Variants in TOP2B observed in about 807,000 individuals in gnomAD.
TOP2B encodes DNA topoisomerase 2-beta.
Under a neutral mutation model 193.5 loss-of-function variants are expected in TOP2B, and 51 were observed. That is an observed-to-expected ratio of 0.26 (90% CI 0.21 to 0.33). The LOEUF is 0.33. Ranked by LOEUF, TOP2B falls within the 10% of genes least tolerant of loss-of-function variation. TOP2B has a pLI of 1.00. For synonymous variants in TOP2B, 634 were observed against 635.7 expected, an observed-to-expected ratio of 1.00 and a Z score of 0.04; for missense variants, 1,378 against 1,909.3, an observed-to-expected ratio of 0.72 and a Z score of 5.19.
At chr3:25,642,572 AC>A (rs967690727) in intron 3 of TOP2B, among the ~76,000 whole-genome samples, 187 bp from the exon 4 acceptor site, 8 of 152,240 alleles carry the variant, frequency 5.3e-5, no homozygotes, top group African/African-American at 1.9e-4. Flanking sequence ...GTATTATCAC[AC>A]CAAATTACTG....
chr3:25,648,682 C>A (rs1251875604), intron 1 of TOP2B, among the ~76,000 whole-genome samples: 5 of 152,034 alleles, frequency 3.3e-5, no homozygotes, highest in Non-Finnish European at 7.4e-5. Context: ...ATGGCCAAAT[C>A]TTATCTCTAG....
Position 25,607,263 on chromosome 3 carries a change from T to G in TOP2B, c.4206A>C (p.Ile1402=). 1 of 1,590,542 alleles carries G rather than the reference T, an allele frequency of 6.3e-7. No homozygotes were observed. Among genetic ancestry groups the G allele is most frequent in the Non-Finnish European group, 8.6e-7 (1 of 1,166,526 alleles). The change falls in exon 31 of 36, where the codon ATA becomes ATC. Residue 1402 remains isoleucine, a synonymous_variant. Transcript: ENST00000264331. ...CAAATTCATCTTCCCCATCATTTGT[T>G]ATGGGAGATGCTTTAACTTTCAATT... ...LEELKVKASP[I]TNDGEDEFVP...
chr3:25,603,446 T>C (rs149813531), intron 33 of TOP2B, among the ~76,000 whole-genome samples: 2,371 of 152,246 alleles, frequency 0.016, 69 homozygotes, highest in East Asian at 0.12. Context: ...TTTTGCCATG[T>C]TGGCCAGGCT....
Position 25,627,107 on chromosome 3 carries a change from T to A in TOP2B, c.2016+80A>T, listed in dbSNP as rs528592113. 5.5e-4 allele frequency: 557 copies of A among 1,007,308 alleles called. 2 individuals carry two copies. In the Middle Eastern group the frequency reaches 0.011, roughly 20 times the overall value. 62.4% of individuals were successfully genotyped at this position (1,007,308 alleles called of 1,614,324 possible). Reference sequence around the variant, plus strand: ...TTGAGCATTCAAAAGAGACTTATCATAGGGAACCAGGACTGGGAGGAAAGG... The same window carrying A: ...TTGAGCATTCAAAAGAGACTTATCAAAGGGAACCAGGACTGGGAGGAAAGG... On this transcript the variant is annotated intron_variant, in intron 16 of 35. Transcript: ENST00000264331.
At position 25,664,241 on chromosome 3, in the gene TOP2B, T is replaced by C. The variant is rs1376602770; in HGVS notation, c.57A>G (p.Ala19=). The change falls in exon 1 of 36, where the codon GCA becomes GCG. Residue 19 remains alanine, a synonymous_variant. Coordinates refer to ENST00000264331, the MANE Select transcript of TOP2B (RefSeq NM_001330700.2). ...AGAGVGGGNG[A]LTWVTLFDQN... ...ACCAGCCACTTACCACCCAGGTCAG[T>C]GCCCCGTTGCCGCCGCCCACGCCGG... 6.5e-7 allele frequency: 1 copy of C among 1,538,546 alleles called. No individual in the cohort carries two copies. The highest frequency in any genetic ancestry group is 8.7e-7 in the Non-Finnish European group (1 of 1,145,926).
In TOP2B at chr3:25,639,268, T is replaced by C. The variant is rs986644272; in HGVS notation, c.396-958A>G. ...AACTCTAAATAAAGAACACTTAAGC[T>C]AGAGGAATATTTTCAACTCTGGTTA... On this transcript the variant is annotated intron_variant, in intron 4 of 35. Transcript: ENST00000264331. Among the ~76,000 whole-genome samples, 4 of 152,230 alleles carry C rather than the reference T, an allele frequency of 2.6e-5. No homozygotes were observed. The East Asian group carries it at 7.7e-4, about 29-fold the overall frequency.
intron 18 of TOP2B, chr3:25,625,088 T>C (rs1180757003): frequency 8.4e-6 from 2 of 237,224 alleles, no homozygotes; most frequent in Non-Finnish European, 1.6e-5. Context: ...AATCACCTAG[T>C]GGTACCAAAC....
At chr3:25,631,280 C>T (rs1261788782) in intron 10 of TOP2B, among the ~76,000 whole-genome samples, 9 of 152,032 alleles carry the variant, frequency 5.9e-5, no homozygotes, top group Admixed American at 5.2e-4. Flanking sequence ...TACTAGCCGG[C>T]AAATTCCAGA....
rs536415914 is a variant in TOP2B, at chr3:25,635,727, C to CAT, written c.852+207_852+208dup. ...CTGCAGACAGTATCAAATAATGTAA[C>CAT]ATATATATAACCAAGAAGGAAAGGA... On this transcript the variant is annotated intron_variant, in intron 7 of 35. Coordinates refer to ENST00000264331, the MANE Select transcript of TOP2B (RefSeq NM_001330700.2). Among the ~76,000 whole-genome samples, 230 of 151,910 alleles carry CAT rather than the reference C, an allele frequency of 1.5e-3. 2 individuals are homozygous for CAT. Among genetic ancestry groups the CAT allele is most frequent in the Admixed American group, 5.6e-3 (86 of 15,252 alleles).
In TOP2B at chr3:25,636,103, G is replaced by T. The variant is rs1389949549; in HGVS notation, c.685C>A (p.His229Asn). The change falls in exon 7 of 36, where the codon CAT (histidine) becomes AAT (asparagine). Residue 229 changes from histidine (H) to asparagine (N), a missense_variant. Transcript: ENST00000264331. ...CATGTGTAATCTTCACCATCAAAAT[G>T]TTTAATTTTGGCTTCAGAAGTCTTC... ...MMKTSEAKIK[H>N]FDGEDYTCIT... The T allele has an allele frequency of 6.2e-7, 1 of 1,608,090 alleles. No homozygotes were observed. Among genetic ancestry groups the T allele is most frequent in the South Asian group, 1.1e-5 (1 of 90,434 alleles).
chr3:25,652,356 A>G (rs1392025253), intron 1 of TOP2B, among the ~76,000 whole-genome samples: 3 of 152,252 alleles, frequency 2.0e-5, no homozygotes, highest in African/African-American at 7.2e-5. Context: ...ACTCCAATCA[A>G]CAACAGGAGA....
At chr3:25,649,244 T>G (rs1438690959) in intron 1 of TOP2B, among the ~76,000 whole-genome samples, 1 of 152,014 alleles carries the variant, frequency 6.6e-6, no homozygotes, top group African/African-American at 2.4e-5. Flanking sequence ...CTTAAAGAAC[T>G]TATGGGCCAC....
chr3:25,607,305 G>T lies in TOP2B; in HGVS notation c.4164C>A (p.Asp1388Glu). 6.4e-7 allele frequency: 1 copy of T among 1,555,552 alleles called. No individual in the cohort carries two copies. The highest frequency in any genetic ancestry group is 1.4e-5 in the African/African-American group (1 of 73,360). Residue 1388 changes from aspartate (D) to glutamate (E), a missense_variant, in exon 31 of 36, where the codon GAC becomes GAA. Asp to Glu is a conservative substitution (Grantham distance 45). Transcript: ENST00000264331. ...EDDDADDDDDDNNDLEELKVK... is the reference protein window; with the variant it reads ...EDDDADDDDDENNDLEELKVK... ...CTTTCAATTCCTCTAAATCATTATT[G>T]TCATCATCATCATCATCAGCATCAT...
chr3:25,600,715 A>C (rs1466333714), intron 34 of TOP2B, among the ~76,000 whole-genome samples: 2 of 152,200 alleles, frequency 1.3e-5, no homozygotes, highest in Admixed American at 6.5e-5. Flanking sequence ...GTTATTTCTT[A>C]GGTGAGAAAA....
Position 25,642,389 on chromosome 3 carries a change from C to T in TOP2B, c.332-4G>A, listed in dbSNP as rs941678765. The T allele has an allele frequency of 1.3e-6, 2 of 1,533,662 alleles. No individual in the cohort carries two copies. Among genetic ancestry groups the T allele is most frequent in the Admixed American group, 2.0e-5 (1 of 50,322 alleles). On this transcript the variant is annotated splice_region_variant and splice_polypyrimidine_tract_variant and intron_variant, in intron 3 of 35. Coordinates refer to ENST00000264331, the MANE Select transcript of TOP2B (RefSeq NM_001330700.2). ...TGTTTATTGTCAGCAGCATTAACTA[C>T]AAAATTAAACACCTCAATGAGTAAT...
At chr3:25,635,834 A>T in intron 7 of TOP2B, 102 bp downstream of exon 7, 1 of 879,234 alleles carries the variant, frequency 1.1e-6, no homozygotes. Context: ...ATCTGAACAC[A>T]CCAGTAAAAG....
intron 27 of TOP2B, among the ~76,000 whole-genome samples, chr3:25,613,543 G>A (rs1162552334): frequency 1.3e-5 from 2 of 151,988 alleles, no homozygotes; most frequent in African/African-American, 4.8e-5. Flanking sequence ...ACCAGCCTAG[G>A]CAACATAACA....
chr3:25,624,775 T>C lies in TOP2B; in HGVS notation c.2253A>G (p.Leu751=), dbSNP rs79628592. The C allele has an allele frequency of 2.4e-3, 3,813 of 1,613,474 alleles. 75 individuals are homozygous for C. The African/African-American group carries it at 0.043, about 18-fold the overall frequency. Reference sequence around the variant, plus strand: ...TATCATTCCTCTTGAAACAGGTAAATAAAACTTTCCGCTGGCCAGGTTTAA... The same window carrying C: ...TATCATTCCTCTTGAAACAGGTAAACAAAACTTTCCGCTGGCCAGGTTTAA... ...DGFKPGQRKV[L]FTCFKRNDKR... The change falls in exon 19 of 36, where the codon TTA becomes TTG. Residue 751 remains leucine, a synonymous_variant. Transcript: ENST00000264331.
At chr3:25,622,109 T>A (rs529280449) in intron 21 of TOP2B, among the ~76,000 whole-genome samples, 1 of 152,348 alleles carries the variant, frequency 6.6e-6, no homozygotes, top group African/African-American at 2.4e-5. Flanking sequence ...TGCTTTGATG[T>A]CTTGTCTTGA....
Sources: gnomAD v4.1 joint callset for allele counts (sites outside exome capture counted in the v4.1 genomes callset) on GRCh38, gnomAD v4.1.1 for gene constraint, MANE v1.5 for transcripts, NCBI Gene and HGNC (gene_info 2026-07-23, HGNC 2026-07-21) for gene names.